PIK3C2A: variants seen among roughly 807,000 people sequenced by gnomAD.
The protein encoded by PIK3C2A is phosphatidylinositol-4-phosphate 3-kinase catalytic subunit type 2 alpha.
PIK3C2A carries 97 observed loss-of-function variants against 204.5 expected under a neutral mutation model. That is an observed-to-expected ratio of 0.47 (90% confidence interval 0.40 to 0.56). The LOEUF (loss-of-function observed/expected upper bound fraction) is 0.56. PIK3C2A is among the 20% of genes least tolerant of loss of function. The pLI, the probability that PIK3C2A is intolerant of heterozygous loss-of-function variation, is 0.00. For synonymous variants in PIK3C2A, 653 were observed against 664.4 expected (o/e 0.98, Z 0.26); for missense variants, 1,735 against 1,969.2 (o/e 0.88, Z 2.25).
chr11:17,097,215 T>A lies in PIK3C2A; in HGVS notation c.4168A>T (p.Ile1390Phe). 1 of 1,613,912 alleles carries A rather than the reference T, an allele frequency of 6.2e-7. No homozygotes were observed. Among genetic ancestry groups the A allele is most frequent in the Non-Finnish European group, 8.5e-7 (1 of 1,179,834 alleles). The change falls in exon 27 of 33, where the codon ATT (isoleucine) becomes TTT (phenylalanine). Residue 1390 changes from isoleucine to phenylalanine, a missense_variant. By Grantham distance (21) the Ile-to-Phe change is conservative. Transcript: ENST00000691414. ...AAACGAAGCTGAGCAAGGTTGTGAA[T>A]GAAGAAGTTAAACTTTGTGGCAATG... The part of the protein sequence containing the change: ...GSIATKFNFF[I>F]HNLAQLRFSG...
chr11:17,194,262 C>T (rs1456021904), intron 1 of PIK3C2A: 1 of 323,840 alleles, frequency 3.1e-6, no homozygotes, highest in East Asian at 5.9e-5. Context: ...TCAGTTCCAG[C>T]TCAGGTTCGC....
At chr11:17,092,678 A>C (rs760111426) in intron 28 of PIK3C2A, among the ~76,000 whole-genome samples, 6 of 152,188 alleles carry the variant, frequency 3.9e-5, no homozygotes, top group Non-Finnish European at 5.9e-5. Context: ...AAAATAAAAT[A>C]AGTAATTTTT....
chr11:17,101,491 CTATTACATGA>C, intron 24 of PIK3C2A, 57 bp from the exon 25 acceptor site: 1 of 946,592 alleles, frequency 1.1e-6, no homozygotes, highest in South Asian at 3.1e-5. Flanking sequence ...TCCAATAGTG[CTATTACATGA>C]TTATTAAACT....
chr11:17,199,437 T>C (rs1032457881), intron 1 of PIK3C2A, among the ~76,000 whole-genome samples: 1 of 152,202 alleles, frequency 6.6e-6, no homozygotes, highest in Non-Finnish European at 1.5e-5. Context: ...TTGTTTATAA[T>C]AGCCAAAAGG....
intron 28 of PIK3C2A, among the ~76,000 whole-genome samples, chr11:17,093,625 ATTTAGCATATGACTTTTT>A (rs1848372112): frequency 7.2e-6 from 1 of 139,376 alleles, no homozygotes; most frequent in African/African-American, 2.8e-5. Context: ...TTCTACACTG[ATTTAGCATATGACTTTTT>A]TTTTGGGGGG....
intron 20 of PIK3C2A, among the ~76,000 whole-genome samples, chr11:17,113,760 T>G (rs1245932774): frequency 1.7e-5 from 2 of 121,212 alleles, no homozygotes; most frequent in African/African-American, 3.3e-5. Flanking sequence ...CCAGCCTGAG[T>G]GACAGAGCAA....
chr11:17,200,613 A>G (rs1852332305), intron 1 of PIK3C2A, among the ~76,000 whole-genome samples: 1 of 152,190 alleles, frequency 6.6e-6, no homozygotes, highest in South Asian at 2.1e-4. Context: ...GAAGGGATTT[A>G]CTTCAAAAGG....
chr11:17,160,597 G>A (rs2069178717), intron 2 of PIK3C2A, among the ~76,000 whole-genome samples: 1 of 152,084 alleles, frequency 6.6e-6, no homozygotes, highest in Non-Finnish European at 1.5e-5. Context: ...TGGGAGGCAG[G>A]TGGATAGCTC....
chr11:17,162,394 T>C (rs888010629), intron 2 of PIK3C2A, among the ~76,000 whole-genome samples: 1 of 151,494 alleles, frequency 6.6e-6, no homozygotes. Flanking sequence ...TTATAACAGG[T>C]GCATGCCAAG....
At chr11:17,118,076 CTTTTTTTTTTT>C (rs35483291) in intron 18 of PIK3C2A, among the ~76,000 whole-genome samples, 1 of 136,836 alleles carries the variant, frequency 7.3e-6, no homozygotes, top group African/African-American at 2.7e-5. Context: ...ATTTTTTTTT[CTTTTTTTTTTT>C]TTGAGACCAG....
In PIK3C2A at chr11:17,116,643, A is replaced by G. The variant is rs113437257; in HGVS notation, c.3216+848T>C. 1.9e-4 allele frequency among the ~76,000 whole-genome samples: 29 copies of G among 151,652 alleles called. 1 individual carries two copies. In the East Asian group the frequency reaches 4.5e-3, roughly 23 times the overall value. On this transcript the variant is annotated intron_variant, in intron 19 of 32. Coordinates refer to ENST00000691414, the MANE Select transcript of PIK3C2A (RefSeq NM_002645.4). ...CTTGCTCTGTCGCCCAGGCTGGAGT[A>G]TAGTGGCTCGATCTCGGTTCACTGC... is the stretch of plus-strand genomic sequence containing the variant.
chr11:17,113,359 T>G (rs1849061111), intron 20 of PIK3C2A, among the ~76,000 whole-genome samples: 1 of 152,116 alleles, frequency 6.6e-6, no homozygotes, highest in Non-Finnish European at 1.5e-5. Flanking sequence ...GAACACAACG[T>G]CTTGTGATAT....
chr11:17,114,466 C>T lies in PIK3C2A; in HGVS notation c.3217-1G>A. 1 of 1,389,248 alleles carries T rather than the reference C, an allele frequency of 7.2e-7. No individual in the cohort carries two copies. Among genetic ancestry groups the T allele is most frequent in the Non-Finnish European group, 1.0e-6 (1 of 977,310 alleles). 86.1% of individuals were successfully genotyped at this position (1,389,248 alleles called of 1,614,324 possible). ...GTTCCATACTTCTTTGGAGAACAAC[C>T]TATAGAAAGAGATGTGATACTGTAA... On this transcript the variant is annotated splice_acceptor_variant, in intron 19 of 32. Transcript: ENST00000691414. LOFTEE classifies it high-confidence loss of function.
At chr11:17,131,798 T>C in intron 12 of PIK3C2A, 118 bp downstream of exon 12, 1 of 798,732 alleles carries the variant, frequency 1.3e-6, no homozygotes, top group Non-Finnish European at 2.1e-6. Flanking sequence ...AAGACATAAG[T>C]CAGAAGTTAA....
Position 17,149,566 on chromosome 11 carries a change from T to C in PIK3C2A, c.1328-779A>G, listed in dbSNP as rs372185739. On this transcript the variant is annotated intron_variant, in intron 4 of 32. Coordinates refer to ENST00000691414, the MANE Select transcript of PIK3C2A (RefSeq NM_002645.4). ...ATTCACCATTTTAAATGTTTGACAT[T>C]TGCCTGGTATATTTTCCAATGAAAA... Among the ~76,000 whole-genome samples the C allele has an allele frequency of 2.6e-5, 4 of 152,134 alleles. No individual in the cohort carries two copies. The East Asian group carries it at 5.8e-4, about 22-fold the overall frequency.
chr11:17,138,059 T>A lies in PIK3C2A; in HGVS notation c.1705-1434A>T. The A allele has an allele frequency of 1.1e-5, 7 of 663,078 alleles. No individual in the cohort carries two copies. The Admixed American group carries it at 1.3e-4, about 12-fold the overall frequency. 41.1% of individuals were successfully genotyped at this position (663,078 alleles called of 1,614,324 possible). A position where few individuals can be genotyped will look rare whatever the true frequency, so the allele number is the denominator to read the frequency against. On this transcript the variant is annotated intron_variant, in intron 8 of 32. Coordinates refer to ENST00000691414, the MANE Select transcript of PIK3C2A (RefSeq NM_002645.4). ...TCCTTGATAAGGAAAGCATGCTTGA[T>A]CCTGTCACTAACACATTTAGCACAC...
intron 1 of PIK3C2A, among the ~76,000 whole-genome samples, chr11:17,187,922 CT>C (rs1204369301): frequency 6.6e-6 from 1 of 152,096 alleles, no homozygotes; most frequent in Non-Finnish European, 1.5e-5. Flanking sequence ...AAGTCAATAA[CT>C]AAAAATGAGG....
intron 11 of PIK3C2A, among the ~76,000 whole-genome samples, chr11:17,132,415 T>C (rs1057389413): frequency 4.7e-5 from 7 of 148,908 alleles, no homozygotes; most frequent in Admixed American, 6.8e-5. Flanking sequence ...CTGCAAGCTC[T>C]GCTTCCCGGG....
chr11:17,188,971 T>C (rs2137545317), intron 1 of PIK3C2A, among the ~76,000 whole-genome samples: 1 of 147,000 alleles, frequency 6.8e-6, no homozygotes, highest in South Asian at 2.1e-4. Flanking sequence ...AGATCTCCTT[T>C]GCTGCAGAGA....
Sources: gnomAD v4.1 joint callset for allele counts (sites outside exome capture counted in the v4.1 genomes callset) on GRCh38, gnomAD v4.1.1 for gene constraint, MANE v1.5 for transcripts, NCBI Gene and HGNC (gene_info 2026-07-23, HGNC 2026-07-21) for gene names.